Variants in ACTR3C observed in about 807,000 individuals in gnomAD.
ACTR3C encodes actin related protein 3C, also known as actin-related protein 3C.
In ACTR3C, 18 loss-of-function variants were observed where a neutral mutation model predicts 26.3. The observed-to-expected ratio is 0.68, with a 90% CI of 0.47 to 1.01. The LOEUF (loss-of-function observed/expected upper bound fraction) is 1.01, where lower values mean the gene tolerates loss of function less well. Among genes scored for constraint, ACTR3C ranks in the 50% least tolerant of loss-of-function variants. The pLI, the probability that ACTR3C is intolerant of heterozygous loss-of-function variation, is 0.00. For synonymous variants in ACTR3C, 55 were observed against 94.5 expected, an observed-to-expected ratio of 0.58 and a Z score of 2.42; for missense variants, 184 against 250.7, an observed-to-expected ratio of 0.73 and a Z score of 1.80.
At chr7:150,222,964 T>TA in the ACTR3C span, among the ~76,000 whole-genome samples, 2 of 152,344 alleles carry the variant, frequency 1.3e-5, no homozygotes, top group South Asian at 2.1e-4. Flanking sequence ...TCTCCTTTTT[T>TA]AAAAAAATTG....
At chr7:150,097,958 C>T in the ACTR3C span, among the ~76,000 whole-genome samples, 1 of 151,634 alleles carries the variant, frequency 6.6e-6, no homozygotes, top group African/African-American at 2.4e-5. Flanking sequence ...GCCCCTCCCT[C>T]ATGTGCCTGT....
chr7:150,228,573 T>C, the ACTR3C span, among the ~76,000 whole-genome samples: 1 of 152,100 alleles, frequency 6.6e-6, no homozygotes, highest in Non-Finnish European at 1.5e-5. Flanking sequence ...CATAAAGCTA[T>C]GCTGATTATT....
the ACTR3C span, among the ~76,000 whole-genome samples, chr7:150,051,681 T>C: frequency 1.4e-5 from 2 of 146,846 alleles, no homozygotes; most frequent in Non-Finnish European, 1.5e-5. Context: ...TAGTTTCATA[T>C]GATTAGTGCT....
At chr7:150,300,952 T>C (rs1399438265) in intron 1 of ACTR3C, among the ~76,000 whole-genome samples, 6 of 152,154 alleles carry the variant, frequency 3.9e-5, no homozygotes, top group African/African-American at 1.2e-4. Context: ...ATTCCAATAG[T>C]AGTGTGTACA....
the ACTR3C span, among the ~76,000 whole-genome samples, chr7:150,146,944 T>C: frequency 1.3e-5 from 2 of 152,242 alleles, no homozygotes; most frequent in South Asian, 2.1e-4. Context: ...CCTTAAGTCA[T>C]GTACCCATCA....
the ACTR3C span, among the ~76,000 whole-genome samples, chr7:150,214,926 C>T: frequency 1.3e-5 from 2 of 151,978 alleles, no homozygotes; most frequent in African/African-American, 4.8e-5. Flanking sequence ...ATCCTGTCAA[C>T]TCAGAATTTT....
the ACTR3C span, chr7:150,002,662 G>A: frequency 3.3e-5 from 5 of 152,190 alleles, no homozygotes; most frequent in African/African-American, 4.8e-5. Context: ...GAGTTCTCCC[G>A]GGGATACCGT....
chr7:150,209,080 C>A, the ACTR3C span, among the ~76,000 whole-genome samples: 1 of 151,764 alleles, frequency 6.6e-6, no homozygotes, highest in Non-Finnish European at 1.5e-5. Flanking sequence ...TAAAAATAAT[C>A]CAAAATAAAA....
At chr7:149,945,891 C>T in the ACTR3C span, among the ~76,000 whole-genome samples, 42 of 152,262 alleles carry the variant, frequency 2.8e-4, no homozygotes, top group Admixed American at 1.8e-3. Flanking sequence ...GGACCCATTG[C>T]AGACAAGATC....
chr7:150,063,284 C>A, the ACTR3C span, among the ~76,000 whole-genome samples: 3 of 150,908 alleles, frequency 2.0e-5, no homozygotes, highest in African/African-American at 7.4e-5. Flanking sequence ...AACAGTGAAC[C>A]CCTGAAAAAT....
At chr7:150,142,647 G>A in the ACTR3C span, among the ~76,000 whole-genome samples, 5 of 151,542 alleles carry the variant, frequency 3.3e-5, no homozygotes, top group African/African-American at 1.2e-4. Flanking sequence ...TCCTGCCTTA[G>A]CCTCCTGAGT....
chr7:149,935,942 A>C, the ACTR3C span, among the ~76,000 whole-genome samples: 3 of 152,116 alleles, frequency 2.0e-5, no homozygotes, highest in East Asian at 5.8e-4. Flanking sequence ...TGGAATTTTT[A>C]ATTTGGGAAT....
At chr7:150,105,551 G>C in the ACTR3C span, among the ~76,000 whole-genome samples, 1 of 151,954 alleles carries the variant, frequency 6.6e-6, no homozygotes, top group Non-Finnish European at 1.5e-5. Flanking sequence ...TCAATCTGTG[G>C]TTTACTTCTA....
the ACTR3C span, among the ~76,000 whole-genome samples, chr7:149,969,680 C>T: frequency 6.6e-6 from 1 of 152,146 alleles, no homozygotes; most frequent in Non-Finnish European, 1.5e-5. Context: ...CTACAGCAAT[C>T]ATTGGAATTA....
the ACTR3C span, among the ~76,000 whole-genome samples, chr7:150,015,191 G>T: frequency 6.6e-6 from 1 of 152,148 alleles, no homozygotes; most frequent in African/African-American, 2.4e-5. Flanking sequence ...TCCAACCCTT[G>T]AGCACCATCT....
chr7:150,280,948 C>T (rs1305470105), intron 6 of ACTR3C, among the ~76,000 whole-genome samples: 3 of 152,208 alleles, frequency 2.0e-5, no homozygotes, highest in African/African-American at 4.8e-5. Context: ...CTGGCCCAGA[C>T]GAGCGCCTCA....
the ACTR3C span, among the ~76,000 whole-genome samples, chr7:149,918,168 C>CT: frequency 2.6e-5 from 4 of 151,152 alleles, no homozygotes; most frequent in Non-Finnish European, 5.9e-5. Context: ...CTTCTGAGTA[C>CT]TTTTTTTTTC....
At chr7:150,033,344 C>G in the ACTR3C span, among the ~76,000 whole-genome samples, 5 of 152,230 alleles carry the variant, frequency 3.3e-5, no homozygotes, top group Admixed American at 6.5e-5. Flanking sequence ...CTTGGATGCT[C>G]TAGCTGTGCT....
the ACTR3C span, among the ~76,000 whole-genome samples, chr7:149,981,269 G>T: frequency 6.6e-6 from 1 of 151,968 alleles, no homozygotes; most frequent in Non-Finnish European, 1.5e-5. Flanking sequence ...TCAATCCCAA[G>T]ACCTCAGGAG....
Sources: allele counts gnomAD v4.1 joint callset (sites outside exome capture counted in the v4.1 genomes callset), GRCh38; gene constraint gnomAD v4.1.1; transcripts MANE v1.5; gene names NCBI Gene and HGNC (gene_info 2026-07-23, HGNC 2026-07-21).